Variants in DCC observed in about 807,000 individuals in gnomAD.
DCC encodes the protein DCC netrin 1 receptor, also known as netrin receptor DCC.
DCC carries 58 observed loss-of-function variants against 172.5 expected under a neutral mutation model. That is an observed-to-expected ratio of 0.34 (90% CI 0.27 to 0.42). DCC has a LOEUF of 0.42. DCC is among the 10% of genes least tolerant of loss of function. The pLI, the probability that DCC is intolerant of heterozygous loss-of-function variation, is 1.00. For missense variants in DCC, 1,740 were observed against 1,791.0 expected, an observed-to-expected ratio of 0.97 and a Z score of 0.51; for synonymous variants, 709 against 644.5, an observed-to-expected ratio of 1.10 and a Z score of -1.52.
At chr18:53,336,519 G>T (rs1203096625) in intron 14 of DCC, among the ~76,000 whole-genome samples, 1 of 152,108 alleles carries the variant, frequency 6.6e-6, no homozygotes, top group Admixed American at 6.6e-5. Context: ...TACCTTGAAG[G>T]AACTGTCCTT....
intron 2 of DCC, among the ~76,000 whole-genome samples, chr18:52,815,217 G>T (rs1859194285): frequency 6.6e-6 from 1 of 152,154 alleles, no homozygotes. Context: ...TAATTGACAT[G>T]AATTGTGTCC....
rs1909015429 is a variant in DCC at position 53,397,310 on chromosome 18, A to G, written c.2691A>G (p.Ser897=). 6.2e-7 allele frequency: 1 copy of G among 1,613,510 alleles called. No individual in the cohort carries two copies. The highest frequency in any genetic ancestry group is 1.1e-5 in the South Asian group (1 of 91,050). ...TSFSASAKYK[S]EDTTSLSYTA... is the part of the protein sequence containing the mutation. ...TTTGCTATTTCCTACTTGTATAGTC[A>G]GAAGACACAACATCTCTAAGTTACA... The change falls in exon 18 of 29, where the codon TCA becomes TCG. Residue 897 remains serine (S), a splice_region_variant and synonymous_variant. Transcript: ENST00000442544.
At chr18:53,296,583 T>C (rs959021049) in intron 12 of DCC, among the ~76,000 whole-genome samples, 1 of 152,130 alleles carries the variant, frequency 6.6e-6, no homozygotes, top group Admixed American at 6.5e-5. Flanking sequence ...GCCAGTTAGC[T>C]ATGGCAATAT....
chr18:52,968,428 G>A (rs1479224122), intron 5 of DCC, among the ~76,000 whole-genome samples: 1 of 152,124 alleles, frequency 6.6e-6, no homozygotes, highest in Non-Finnish European at 1.5e-5. Context: ...GTGGGTGGGT[G>A]CAGAGGGAGC....
intron 2 of DCC, among the ~76,000 whole-genome samples, chr18:52,854,772 G>T (rs1568147283): frequency 6.6e-6 from 1 of 152,168 alleles, no homozygotes; most frequent in Non-Finnish European, 1.5e-5. Flanking sequence ...GGGGCTATAT[G>T]TAATTCCAGA....
At chr18:53,309,316 G>A (rs1481092377) in intron 13 of DCC, among the ~76,000 whole-genome samples, 2 of 152,062 alleles carry the variant, frequency 1.3e-5, no homozygotes, top group Non-Finnish European at 2.9e-5. Flanking sequence ...TAGGATTATA[G>A]GCATAAGACA....
At chr18:52,914,443 T>G (rs546756968) in intron 3 of DCC, among the ~76,000 whole-genome samples, 6 of 152,230 alleles carry the variant, frequency 3.9e-5, no homozygotes, top group Admixed American at 3.3e-4. Context: ...GGAATGTCAT[T>G]TTTAGTACTG....
intron 1 of DCC, among the ~76,000 whole-genome samples, chr18:52,706,141 T>G (rs560344255): frequency 5.9e-5 from 9 of 152,208 alleles, no homozygotes; most frequent in African/African-American, 2.2e-4. Context: ...GGTCATAAAG[T>G]GAGGTTGATT....
chr18:52,827,345 C>A (rs559898020), intron 2 of DCC, among the ~76,000 whole-genome samples: 80 of 152,104 alleles, frequency 5.3e-4, no homozygotes, highest in Non-Finnish European at 9.0e-4. Flanking sequence ...GGGGAGGGAC[C>A]GAAAACAGCA....
At chr18:53,061,963 A>G (rs1394074083) in intron 5 of DCC, among the ~76,000 whole-genome samples, 2 of 152,134 alleles carry the variant, frequency 1.3e-5, no homozygotes, top group Admixed American at 6.6e-5. Context: ...CTGTTTCCAT[A>G]TATTCAACTA....
chr18:53,240,026 T>TAAAAAAAAAAAAAAAAAAA (rs68158437), intron 12 of DCC, among the ~76,000 whole-genome samples: 1 of 69,070 alleles, frequency 1.4e-5, no homozygotes, highest in Non-Finnish European at 3.0e-5. Context: ...GTTCTAGAGT[T>TAAAAAAAAAAAAAAAAAAA]AAAAAAAAAA....
rs374290197 is a variant in DCC at position 53,170,283 on chromosome 18, G to A, written c.1419-8679G>A. Among the ~76,000 whole-genome samples, 193 of 152,262 alleles carry A rather than the reference G, an allele frequency of 1.3e-3. 1 individual carries two copies. The highest frequency in any genetic ancestry group is 4.5e-3 in the African/African-American group (188 of 41,550). ...CTCAGGGAACTCCTATTTCTTCTCA[G>A]TGTCCCTCAGAGAGCAGTTTCCAGC... On this transcript the variant is annotated intron_variant, in intron 8 of 28. Coordinates refer to ENST00000442544, the MANE Select transcript of DCC (RefSeq NM_005215.4).
chr18:52,941,849 C>T (rs927514875), intron 5 of DCC, among the ~76,000 whole-genome samples: 2 of 152,080 alleles, frequency 1.3e-5, no homozygotes, highest in Admixed American at 6.5e-5. Flanking sequence ...GTGGTGTCAT[C>T]TTGGCTCACT....
chr18:53,364,975 ATC>A (rs1443531886), intron 15 of DCC, among the ~76,000 whole-genome samples: 1 of 151,446 alleles, frequency 6.6e-6, no homozygotes, highest in East Asian at 1.9e-4. Context: ...TCAGCAAACT[ATC>A]TCTGAATTCT....
intron 7 of DCC, among the ~76,000 whole-genome samples, chr18:53,081,725 G>A (rs2144137251): frequency 6.6e-6 from 1 of 152,080 alleles, no homozygotes; most frequent in Middle Eastern, 3.4e-3. Flanking sequence ...TTCTATCTCG[G>A]GTGGCCAAAT....
chr18:52,842,701 T>G (rs2038827069), intron 2 of DCC, among the ~76,000 whole-genome samples: 1 of 152,208 alleles, frequency 6.6e-6, no homozygotes, highest in Non-Finnish European at 1.5e-5. Flanking sequence ...GGACTTTGTG[T>G]TCTAACAAGC....
At chr18:53,520,668 C>CA (rs2046389618) in intron 27 of DCC, among the ~76,000 whole-genome samples, 1 of 151,936 alleles carries the variant, frequency 6.6e-6, no homozygotes, top group Non-Finnish European at 1.5e-5. Flanking sequence ...AATCTACACA[C>CA]AAAAAAATAC....
chr18:52,834,762 G>T (rs1277931561), intron 2 of DCC, among the ~76,000 whole-genome samples: 1 of 151,934 alleles, frequency 6.6e-6, no homozygotes, highest in Non-Finnish European at 1.5e-5. Context: ...TTAATTCTCT[G>T]TGGTCTTCCT....
rs1283797739 is a variant in DCC at position 53,241,341 on chromosome 18, AT to A, written c.1911+25746del. On this transcript the variant is annotated intron_variant, in intron 12 of 28. Transcript: ENST00000442544. Reference sequence around the variant, plus strand: ...TCAAGCCTTTAATCACTGAACTGCAATTGTACAAGGAAGAGGTTAACCAGAG... The same window carrying A: ...TCAAGCCTTTAATCACTGAACTGCAATGTACAAGGAAGAGGTTAACCAGAG... Among the ~76,000 whole-genome samples, 7 of 152,112 alleles carry A rather than the reference AT, an allele frequency of 4.6e-5. No homozygotes were observed. In the East Asian group the frequency reaches 9.6e-4, roughly 21 times the overall value.
Sources: gnomAD v4.1 joint callset for allele counts (sites outside exome capture counted in the v4.1 genomes callset) on GRCh38, gnomAD v4.1.1 for gene constraint, MANE v1.5 for transcripts, NCBI Gene and HGNC (gene_info 2026-07-23, HGNC 2026-07-21) for gene names.